ACTR3C: variants seen among roughly 807,000 people sequenced by gnomAD.
The protein encoded by ACTR3C is actin-related protein 3C.
In ACTR3C, 18 loss-of-function variants were observed where a neutral mutation model predicts 26.3. The observed-to-expected ratio is 0.68, with a 90% CI of 0.47 to 1.01. The LOEUF is 1.01. Ranked by LOEUF, ACTR3C falls within the 50% of genes least tolerant of loss-of-function variation. The pLI is 0.00. For missense variants in ACTR3C, 184 were observed against 250.7 expected, an observed-to-expected ratio of 0.73 and a Z score of 1.80; for synonymous variants, 55 against 94.5, an observed-to-expected ratio of 0.58 and a Z score of 2.42.
At chr7:150,091,848 C>T in the ACTR3C span, among the ~76,000 whole-genome samples, 1 of 150,486 alleles carries the variant, frequency 6.6e-6, no homozygotes, top group East Asian at 2.0e-4. Context: ...ATTAGCCGGG[C>T]GTGGTGGCGG....
the ACTR3C span, among the ~76,000 whole-genome samples, chr7:150,169,638 C>T: frequency 6.6e-6 from 1 of 150,592 alleles, no homozygotes; most frequent in East Asian, 1.9e-4. Context: ...GAAATTCAGG[C>T]TGAGTCAGCT....
At chr7:150,287,233 C>T (rs368892410) in intron 4 of ACTR3C, among the ~76,000 whole-genome samples, 4,376 of 151,890 alleles carry the variant, frequency 0.029, 107 homozygotes, top group Non-Finnish European at 0.045. Flanking sequence ...GCCAAGATTA[C>T]ACTCTAGCTG....
the ACTR3C span, among the ~76,000 whole-genome samples, chr7:150,091,093 G>A: frequency 1.7e-3 from 251 of 149,574 alleles, 1 homozygote; most frequent in Non-Finnish European, 3.2e-3. Context: ...TGAATTTCAC[G>A]GTGTGGCCAG....
chr7:150,039,598 C>T, the ACTR3C span, among the ~76,000 whole-genome samples: 35,164 of 127,122 alleles, frequency 0.28, 1,922 homozygotes, highest in East Asian at 0.46. Flanking sequence ...AAGGTACCTG[C>T]CGTCGGAAGA....
chr7:150,153,268 C>T, the ACTR3C span, among the ~76,000 whole-genome samples: 1 of 151,998 alleles, frequency 6.6e-6, no homozygotes, highest in African/African-American at 2.4e-5. Context: ...AAGAAACTAC[C>T]ATCAGAGTGA....
At chr7:150,009,354 T>C in the ACTR3C span, among the ~76,000 whole-genome samples, 24 of 152,358 alleles carry the variant, frequency 1.6e-4, no homozygotes, top group East Asian at 2.9e-3. Context: ...AACCAGGCTC[T>C]GCAGCAGGTC....
chr7:149,957,014 G>A, the ACTR3C span, among the ~76,000 whole-genome samples: 1 of 152,144 alleles, frequency 6.6e-6, no homozygotes, highest in African/African-American at 2.4e-5. Context: ...CATACAGACT[G>A]GCTGTGAGAG....
the ACTR3C span, among the ~76,000 whole-genome samples, chr7:150,024,668 C>T: frequency 2.2e-3 from 312 of 142,544 alleles, 1 homozygote; most frequent in Non-Finnish European, 4.1e-3. Flanking sequence ...CCTTGGTGTG[C>T]AATGAAAAAC....
the ACTR3C span, among the ~76,000 whole-genome samples, chr7:150,067,121 G>A: frequency 6.6e-6 from 1 of 152,260 alleles, no homozygotes; most frequent in Admixed American, 6.5e-5. Flanking sequence ...AGGATGTAGA[G>A]CCTTGCAGCA....
the ACTR3C span, among the ~76,000 whole-genome samples, chr7:150,193,788 C>T: frequency 0.029 from 4,398 of 151,146 alleles, 212 homozygotes; most frequent in African/African-American, 0.1. Flanking sequence ...TTTCATGTGC[C>T]TTCTGTTCTT....
chr7:150,035,245 T>C, the ACTR3C span, among the ~76,000 whole-genome samples: 1 of 59,036 alleles, frequency 1.7e-5, no homozygotes, highest in Non-Finnish European at 3.6e-5. Flanking sequence ...TAAGAGCCAG[T>C]GGGGGAACCA....
the ACTR3C span, among the ~76,000 whole-genome samples, chr7:150,077,354 AG>A: frequency 6.6e-6 from 1 of 152,144 alleles, no homozygotes. Flanking sequence ...AGCCTACTGT[AG>A]GAGGTATTAT....
At chr7:150,191,199 T>A in the ACTR3C span, among the ~76,000 whole-genome samples, 1 of 152,226 alleles carries the variant, frequency 6.6e-6, no homozygotes, top group Non-Finnish European at 1.5e-5. Flanking sequence ...TGGGTAGCTA[T>A]TTTAGTTCCT....
chr7:149,986,497 A>T, the ACTR3C span, among the ~76,000 whole-genome samples: 6 of 152,190 alleles, frequency 3.9e-5, no homozygotes, highest in Admixed American at 6.5e-5. Context: ...TTTTTGATTC[A>T]GTCATAGTGT....
the ACTR3C span, among the ~76,000 whole-genome samples, chr7:150,183,092 T>C: frequency 6.6e-6 from 1 of 150,870 alleles, no homozygotes; most frequent in Non-Finnish European, 1.5e-5. Context: ...TTATGTTTGT[T>C]GATGAACTTT....
the ACTR3C span, among the ~76,000 whole-genome samples, chr7:150,078,488 C>T: frequency 1.3e-4 from 19 of 149,838 alleles, no homozygotes; most frequent in Middle Eastern, 3.4e-3. Context: ...CTTGCTCTAC[C>T]TCTTCCATCA....
the ACTR3C span, among the ~76,000 whole-genome samples, chr7:150,035,050 C>G: frequency 7.2e-6 from 1 of 139,254 alleles, no homozygotes; most frequent in Non-Finnish European, 1.6e-5. Context: ...TCAGTAATCC[C>G]ACGTAAGGTA....
chr7:149,960,025 GCC>G, the ACTR3C span, among the ~76,000 whole-genome samples: 2 of 151,348 alleles, frequency 1.3e-5, no homozygotes, highest in Non-Finnish European at 2.9e-5. Flanking sequence ...GGCACTTGCA[GCC>G]ATTTCTGCAA....
the ACTR3C span, among the ~76,000 whole-genome samples, chr7:149,928,510 C>T: frequency 4.0e-5 from 6 of 151,386 alleles, no homozygotes; most frequent in Non-Finnish European, 8.8e-5. Context: ...TGAGCCACTG[C>T]GCCTGGCCAG....
Sources: gnomAD v4.1 joint callset for allele counts (sites outside exome capture counted in the v4.1 genomes callset) on GRCh38, gnomAD v4.1.1 for gene constraint, MANE v1.5 for transcripts, NCBI Gene and HGNC (gene_info 2026-07-23, HGNC 2026-07-21) for gene names.